CDKL5: variants seen among roughly 807,000 people sequenced by gnomAD.
CDKL5 encodes the protein cyclin-dependent kinase-like 5.
Under a neutral mutation model 61.7 loss-of-function variants are expected in CDKL5, and 8 were observed. The observed-to-expected ratio is 0.13, with a 90% CI of 0.08 to 0.23. The LOEUF (loss-of-function observed/expected upper bound fraction) is 0.23. Ranked by LOEUF, CDKL5 falls within the 10% of genes least tolerant of loss-of-function variation. CDKL5 has a pLI of 1.00. For synonymous variants in CDKL5, 275 were observed against 272.3 expected, an observed-to-expected ratio of 1.01 and a Z score of -0.10; for missense variants, 440 against 734.5, an observed-to-expected ratio of 0.60 and a Z score of 4.63.
At chrX:18,491,100 A>T (rs1365355624) in intron 1 of CDKL5, among the ~76,000 whole-genome samples, 2 of 112,154 alleles carry the variant, frequency 1.8e-5, no homozygotes, top group Non-Finnish European at 3.8e-5. Flanking sequence ...ATGCTGAAAG[A>T]TAATCACTCC....
intron 12 of CDKL5, among the ~76,000 whole-genome samples, chrX:18,605,779 T>A (rs1926343846): frequency 8.9e-6 from 1 of 112,652 alleles, no homozygotes. Context: ...ATTTGGACAT[T>A]GAACACCTTT....
chrX:18,646,803 AAT>A (rs1434823045), intron 20 of CDKL5, among the ~76,000 whole-genome samples: 1 of 111,823 alleles, frequency 8.9e-6, no homozygotes, highest in African/African-American at 3.3e-5. Context: ...CCACAGGTCA[AAT>A]ATGTTTTCCT....
chrX:18,450,146 C>T (rs1243419816), intron 1 of CDKL5, among the ~76,000 whole-genome samples: 2 of 111,481 alleles, frequency 1.8e-5, no homozygotes, highest in Non-Finnish European at 3.8e-5. Context: ...TAAGATATGG[C>T]CCGGTCCCCT....
chrX:18,595,788 C>G (rs1925973356), intron 10 of CDKL5, among the ~76,000 whole-genome samples: 1 of 111,644 alleles, frequency 9.0e-6, no homozygotes, highest in South Asian at 3.8e-4. Flanking sequence ...GTATTTGAAG[C>G]CTCCCATCGC....
chrX:18,651,220 A>AGTGTGTGT (rs3838188), intron 21 of CDKL5, among the ~76,000 whole-genome samples: 23 of 65,187 alleles, frequency 3.5e-4, no homozygotes, highest in East Asian at 4.8e-4. Context: ...GGCAGGAGCA[A>AGTGTGTGT]GTGTGTGTGT....
chrX:18,467,748 A>T (rs1017873456), intron 1 of CDKL5, among the ~76,000 whole-genome samples: 2 of 112,213 alleles, frequency 1.8e-5, no homozygotes, highest in African/African-American at 6.5e-5. Flanking sequence ...ATCTCCATGA[A>T]GGACCAGCAA....
intron 1 of CDKL5, among the ~76,000 whole-genome samples, chrX:18,484,810 G>T (rs1205023784): frequency 9.2e-6 from 1 of 108,927 alleles, no homozygotes; most frequent in Non-Finnish European, 1.9e-5. Context: ...ATGCGGGGGT[G>T]GTGGGGGGCA....
At position 18,653,319 on chromosome X, in the gene CDKL5, G is replaced by A. The variant is rs1405867046; in HGVS notation, c.2981-113G>A. The A allele has an allele frequency of 7.8e-6, 9 of 1,147,719 alleles. No individual in the cohort carries two copies. The East Asian group carries it at 2.0e-4, about 25-fold the overall frequency. The allele number at this position is 1,147,719 out of a possible 1,213,427, so 94.6% of individuals were successfully genotyped here. A position where few individuals can be genotyped will look rare whatever the true frequency, so the allele number is the denominator to read the frequency against. ...ATAGCATTAAAGTGAAGATTAGGAG[G>A]CCAGAATGCATGTGGCCTTCTGCTC... On this transcript the variant is annotated intron_variant, in intron 21 of 21. Coordinates refer to the CDKL5 transcript ENST00000379989.
intron 1 of CDKL5, among the ~76,000 whole-genome samples, chrX:18,490,706 A>T (rs1232459268): frequency 8.9e-6 from 1 of 111,826 alleles, no homozygotes; most frequent in African/African-American, 3.2e-5. Flanking sequence ...TTTGGAATTT[A>T]ATTGAATGCT....
Position 18,587,570 on chromosome X carries a change from A to G in CDKL5, c.555-384A>G, listed in dbSNP as rs556754310. 3.7e-3 allele frequency: 656 copies of G among 176,583 alleles called. 2 individuals are homozygous for G. Among genetic ancestry groups the G allele is most frequent in the Middle Eastern group, 0.026 (11 of 425 alleles). The allele number at this position is 176,583 out of a possible 1,213,427, so 14.6% of individuals were successfully genotyped here. On this transcript the variant is annotated intron_variant, in intron 8 of 17. Transcript: ENST00000623535. ...GATAAGATGTATCTTTTTGACATTT[A>G]GAGAGCTAAAGGATAATTATTTGTC... is the stretch of plus-strand genomic sequence containing the variant.
intron 4 of CDKL5, among the ~76,000 whole-genome samples, 168 bp downstream of exon 4, chrX:18,564,690 T>C (rs949937502): frequency 2.7e-5 from 3 of 110,956 alleles, no homozygotes; most frequent in Admixed American, 9.7e-5. Flanking sequence ...TTATTTCTTA[T>C]GCTTTGCTTT....
At chrX:18,642,820 G>A (rs770715413), downstream of CDKL5, among the ~76,000 whole-genome samples, 5 of 110,000 alleles carry the variant, frequency 4.5e-5, no homozygotes, top group East Asian at 2.9e-4. Context: ...CGGGCGGATC[G>A]TTTGAGGTCA....
chrX:18,647,213 G>T, intron 20 of CDKL5: 1 of 1,210,861 alleles, frequency 8.3e-7, no homozygotes, highest in Non-Finnish European at 1.1e-6. Context: ...CTGTTGAGCC[G>T]GGCCTTGTTT....
At chrX:18,440,778 G>A (rs771236424) in intron 1 of CDKL5, among the ~76,000 whole-genome samples, 4 of 111,398 alleles carry the variant, frequency 3.6e-5, no homozygotes, top group Non-Finnish European at 7.5e-5. Flanking sequence ...CTTCTGCTAG[G>A]CCGTTAGTGC....
chrX:18,589,383 A>G (rs925860044), intron 9 of CDKL5: 2 of 110,597 alleles, frequency 1.8e-5, no homozygotes, highest in Non-Finnish European at 3.8e-5. Flanking sequence ...GAGTGAGAAC[A>G]TGCAGTATTT....
At position 18,629,761 on chromosome X, in the gene CDKL5, C is replaced by T. The variant is rs1049463396; in HGVS notation, c.*1004C>T. Reference sequence around the variant, plus strand: ...AATTCCAGCAGGCCTGGTTTCCGTCCTCACACACTTGGCTCCTGTTTGTGT... The same window carrying T: ...AATTCCAGCAGGCCTGGTTTCCGTCTTCACACACTTGGCTCCTGTTTGTGT... On this transcript the variant is annotated 3_prime_UTR_variant, in exon 18 of 18. Transcript: ENST00000623535. 1.0e-4 allele frequency: 75 copies of T among 752,703 alleles called. No individual in the cohort carries two copies. Among genetic ancestry groups the T allele is most frequent in the Non-Finnish European group, 1.1e-4 (71 of 639,188 alleles). 62.0% of individuals were successfully genotyped at this position (752,703 alleles called of 1,213,427 possible). A position where few individuals can be genotyped will look rare whatever the true frequency, so the allele number is the denominator to read the frequency against.
At chrX:18,622,134 A>G (rs1255390409) in intron 16 of CDKL5, among the ~76,000 whole-genome samples, 4 of 112,307 alleles carry the variant, frequency 3.6e-5, no homozygotes, top group African/African-American at 1.3e-4. Flanking sequence ...CAAGTAGAGT[A>G]TACATGTTGG....
In CDKL5 at chrX:18,637,258, A is replaced by G. The variant is rs1322663657; in HGVS notation, c.*8501A>G. The G allele has an allele frequency of 4.5e-5, 5 of 110,613 alleles. No homozygotes were observed. The highest frequency in any genetic ancestry group is 1.6e-4 in the African/African-American group (5 of 30,314). 9.1% of individuals were successfully genotyped at this position (110,613 alleles called of 1,213,427 possible). A position where few individuals can be genotyped will look rare whatever the true frequency, so the allele number is the denominator to read the frequency against. ...ATACAAAAATTGGGTGTGGTGGTAC[A>G]TGCCTGTAATCCCAGCTGCTTAGGA... is the stretch of plus-strand genomic sequence containing the variant. On this transcript the variant is annotated 3_prime_UTR_variant, in exon 18 of 18. Coordinates refer to ENST00000623535, the MANE Select transcript of CDKL5 (RefSeq NM_001323289.2).
downstream of CDKL5, among the ~76,000 whole-genome samples, chrX:18,643,829 A>AAT (rs755520723): frequency 0.04 from 4,216 of 105,694 alleles, 132 homozygotes; most frequent in African/African-American, 0.11. Context: ...ATTCATAGCA[A>AAT]ATATATATAT....
Sources: gnomAD v4.1 joint callset for allele counts (sites outside exome capture counted in the v4.1 genomes callset) on GRCh38, gnomAD v4.1.1 for gene constraint, MANE v1.5 for transcripts, NCBI Gene and HGNC (gene_info 2026-07-23, HGNC 2026-07-21) for gene names.